The following MISFA variants were observed in gnomAD, a reference collection of about 807,000 sequenced individuals.
The protein encoded by MISFA is mitochondrial sheath formation-associated protein.
chr11:18,607,437 A>G, the MISFA span: 1 of 152,658 alleles, frequency 6.6e-6, no homozygotes, highest in South Asian at 2.1e-4. Context: ...ATGATCATGT[A>G]ACATTATTAC....
At chr11:18,602,832 C>T in the MISFA span, 2 of 290,242 alleles carry the variant, frequency 6.9e-6, no homozygotes, top group African/African-American at 2.2e-5. Flanking sequence ...GATAAATTTT[C>T]TTTAACCCAA....
chr11:18,609,657 A>C, the MISFA span: 1 of 584,382 alleles, frequency 1.7e-6, no homozygotes, highest in South Asian at 2.1e-5. Context: ...AGTGGGCATT[A>C]TATCATCTGC....
At chr11:18,605,713 G>GAC in the MISFA span, among the ~76,000 whole-genome samples, 1 of 151,768 alleles carries the variant, frequency 6.6e-6, no homozygotes, top group African/African-American at 2.4e-5. Context: ...TTTTTTTTGA[G>GAC]ACAGTCTCGT....
the MISFA span, chr11:18,608,621 T>C: frequency 6.6e-6 from 1 of 152,268 alleles, no homozygotes; most frequent in African/African-American, 2.4e-5. Flanking sequence ...TTCTTGAGAC[T>C]TGGCTTCCTT....
chr11:18,605,373 G>A, the MISFA span, among the ~76,000 whole-genome samples: 48 of 152,152 alleles, frequency 3.2e-4, no homozygotes, highest in Non-Finnish European at 6.6e-4. Context: ...GTATGGAACT[G>A]TACCCATTCT....
the MISFA span, chr11:18,607,423 A>G: frequency 6.6e-6 from 1 of 152,638 alleles, no homozygotes; most frequent in African/African-American, 2.4e-5. Context: ...AGAATGCCAC[A>G]CCCATGATCA....
the MISFA span, chr11:18,609,495 T>C: frequency 4.8e-6 from 1 of 206,616 alleles, no homozygotes; most frequent in South Asian, 8.9e-5. Flanking sequence ...AGCAGAAGAA[T>C]TACAGAAATC....
the MISFA span, among the ~76,000 whole-genome samples, chr11:18,600,763 G>A: frequency 2.7e-5 from 4 of 149,648 alleles, no homozygotes; most frequent in Middle Eastern, 3.7e-3. Flanking sequence ...TTCGTGATCC[G>A]CCTGCCTCGG....
the MISFA span, among the ~76,000 whole-genome samples, chr11:18,605,838 C>T: frequency 2.0e-4 from 31 of 151,996 alleles, 1 homozygote; most frequent in Admixed American, 7.2e-4. Flanking sequence ...TTACAACGCA[C>T]GCCACATTTT....
At chr11:18,601,125 G>C in the MISFA span, 1 of 398,602 alleles carries the variant, frequency 2.5e-6, no homozygotes, top group African/African-American at 2.1e-5. Flanking sequence ...GAGGTGGCCT[G>C]TTCAGGAGAG....
At chr11:18,600,039 T>C in the MISFA span, 2 of 398,974 alleles carry the variant, frequency 5.0e-6, no homozygotes, top group East Asian at 3.6e-5. Context: ...TGGTCAGTCC[T>C]GTGCTGGCTC....
the MISFA span, chr11:18,603,323 T>C: frequency 1.8e-5 from 7 of 396,304 alleles, no homozygotes; most frequent in Non-Finnish European, 2.7e-5. Flanking sequence ...TTTTTTAAAG[T>C]TACTGTAGCT....
the MISFA span, chr11:18,601,584 T>A: frequency 5.0e-5 from 20 of 398,244 alleles, no homozygotes; most frequent in Admixed American, 2.2e-4. Context: ...ATTTTTTTTT[T>A]ATTTTTTTAG....
the MISFA span, chr11:18,606,940 A>T: frequency 3.4e-6 from 1 of 298,146 alleles, no homozygotes; most frequent in Non-Finnish European, 6.2e-6. Flanking sequence ...GGCTGACTGC[A>T]ACCTCCGCCT....
At chr11:18,605,811 C>T in the MISFA span, among the ~76,000 whole-genome samples, 7 of 152,152 alleles carry the variant, frequency 4.6e-5, no homozygotes, top group Non-Finnish European at 1.0e-4. Flanking sequence ...ATACCTCAGC[C>T]CCCTGAGTAG....
the MISFA span, chr11:18,601,564 T>G: frequency 5.0e-6 from 2 of 396,496 alleles, no homozygotes; most frequent in African/African-American, 4.1e-5. Flanking sequence ...CATGCCACCA[T>G]GCCTGGCTAA....
the MISFA span, chr11:18,608,711 T>C: frequency 6.6e-6 from 1 of 152,450 alleles, no homozygotes; most frequent in African/African-American, 2.4e-5. Context: ...TTTATGACTT[T>C]AAAAAGGGTA....
At chr11:18,607,199 C>T in the MISFA span, 1 of 158,642 alleles carries the variant, frequency 6.3e-6, no homozygotes, top group Non-Finnish European at 1.4e-5. Flanking sequence ...TGAACCTTTT[C>T]ACGGCACACA....
At chr11:18,605,301 A>C in the MISFA span, among the ~76,000 whole-genome samples, 8 of 152,146 alleles carry the variant, frequency 5.3e-5, no homozygotes, top group African/African-American at 1.9e-4. Flanking sequence ...CTTTTTCATG[A>C]CTACTGAAAA....
Sources: gnomAD v4.1 joint callset for allele counts (sites outside exome capture counted in the v4.1 genomes callset) on GRCh38, gnomAD v4.1.1 for gene constraint, MANE v1.5 for transcripts, NCBI Gene and HGNC (gene_info 2026-07-23, HGNC 2026-07-21) for gene names.